The following RBFOX1 variants were observed in gnomAD, a reference collection of about 807,000 sequenced individuals.
The protein encoded by RBFOX1 is RNA binding protein fox-1 homolog 1.
RBFOX1 carries 8 observed loss-of-function variants against 57.7 expected under a neutral mutation model. The observed-to-expected ratio is 0.14, with a 90% CI of 0.08 to 0.25. RBFOX1 has a LOEUF of 0.25. Among genes scored for constraint, RBFOX1 ranks in the 10% least tolerant of loss-of-function variants. The probability of loss-of-function intolerance (pLI) is 1.00; values close to 1 mark genes in which losing one functional copy is unlikely to be tolerated. For missense variants in RBFOX1, 611 were observed against 548.5 expected, an observed-to-expected ratio of 1.11 and a Z score of -1.14; for synonymous variants, 326 against 222.4, an observed-to-expected ratio of 1.47 and a Z score of -4.15.
At chr16:7,089,186 A>C (rs2060438709) in intron 4 of RBFOX1, among the ~76,000 whole-genome samples, 1 of 152,160 alleles carries the variant, frequency 6.6e-6, no homozygotes. Flanking sequence ...AGCTGGAGAC[A>C]GAGTTTATTA....
At chr16:7,200,871 G>A (rs1461007541) in intron 4 of RBFOX1, among the ~76,000 whole-genome samples, 2 of 152,172 alleles carry the variant, frequency 1.3e-5, no homozygotes, top group South Asian at 2.1e-4. Context: ...TGACTTTGAG[G>A]CAACTTCGTT....
Position 6,957,547 on chromosome 16 carries a change from C to CA in RBFOX1, c.-15-94509dup, listed in dbSNP as rs200620049. ...GGGGGAGTGTAGCAGTGGGGACGAT[C>CA]AGAGGTGACTCTCATCACCATCTTG... On this transcript the variant is annotated intron_variant, in intron 3 of 15. Transcript: ENST00000550418. 3.2e-3 allele frequency among the ~76,000 whole-genome samples: 488 copies of CA among 152,168 alleles called. 1 individual carries two copies. The highest frequency in any genetic ancestry group is 5.7e-3 in the Non-Finnish European group (389 of 68,002).
chr16:7,037,507 G>A (rs1413285046), intron 3 of RBFOX1, among the ~76,000 whole-genome samples: 3 of 152,142 alleles, frequency 2.0e-5, no homozygotes, highest in Admixed American at 2.0e-4. Context: ...TAAGGAAACA[G>A]TGAGGCACGT....
At chr16:5,452,194 C>A (rs1372488881) in intron 1 of RBFOX1, among the ~76,000 whole-genome samples, 12 of 148,644 alleles carry the variant, frequency 8.1e-5, no homozygotes, top group African/African-American at 3.0e-4. Flanking sequence ...TCTCAGCTCA[C>A]TGCAACCTCT....
At chr16:7,262,100 T>C (rs2094940311) in intron 4 of RBFOX1, among the ~76,000 whole-genome samples, 1 of 152,208 alleles carries the variant, frequency 6.6e-6, no homozygotes, top group Non-Finnish European at 1.5e-5. Context: ...GGGGGTACCA[T>C]TTCTGGGAAA....
At chr16:6,972,246 C>G (rs74010407) in intron 3 of RBFOX1, among the ~76,000 whole-genome samples, 2 of 152,044 alleles carry the variant, frequency 1.3e-5, no homozygotes, top group Non-Finnish European at 2.9e-5. Flanking sequence ...CTCTGTAACT[C>G]CCCTTTCTCC....
intron 13 of RBFOX1, among the ~76,000 whole-genome samples, chr16:7,670,432 C>G (rs2071019076): frequency 6.6e-6 from 1 of 152,194 alleles, no homozygotes; most frequent in African/African-American, 2.4e-5. Context: ...GAGTTTAATG[C>G]TGAAGCCCTG....
Position 6,350,444 on chromosome 16 carries a change from G to GAAAAAAAAAAA in RBFOX1, c.-64+33432_-64+33442dup, listed in dbSNP as rs569363563. Among the ~76,000 whole-genome samples the GAAAAAAAAAAA allele has an allele frequency of 9.4e-5, 7 of 74,666 alleles. 1 individual carries two copies. The highest frequency in any genetic ancestry group is 1.7e-4 in the Non-Finnish European group (7 of 40,942). The allele number at this position is 74,666 out of a possible 152,430, so 49.0% of individuals were successfully genotyped here. A position where few individuals can be genotyped will look rare whatever the true frequency, so the allele number is the denominator to read the frequency against. ...CAACAAGAGTGAAACTCTGTCTCAA[G>GAAAAAAAAAAA]AAAAAAAAAAAAAAAAAAAAAAAAA... On this transcript the variant is annotated intron_variant, in intron 2 of 15. Coordinates refer to ENST00000550418, the MANE Select transcript of RBFOX1 (RefSeq NM_018723.4).
intron 4 of RBFOX1, among the ~76,000 whole-genome samples, chr16:7,439,933 A>G (rs1169852167): frequency 1.3e-5 from 2 of 148,910 alleles, no homozygotes; most frequent in African/African-American, 2.5e-5. Context: ...CCACAAAACA[A>G]CCAAATCTTT....
chr16:7,517,570 AC>A (rs1176084012), intron 4 of RBFOX1, among the ~76,000 whole-genome samples: 3 of 149,504 alleles, frequency 2.0e-5, no homozygotes, highest in African/African-American at 7.4e-5. Context: ...ACACACACAC[AC>A]ACAACATAAC....
At chr16:5,416,777 A>G (rs973505907) in intron 1 of RBFOX1, among the ~76,000 whole-genome samples, 2 of 151,930 alleles carry the variant, frequency 1.3e-5, no homozygotes, top group Non-Finnish European at 2.9e-5. Flanking sequence ...ATTCATGCAG[A>G]TAGGAACAAA....
chr16:6,268,408 A>T (rs1272137313), intron 1 of RBFOX1, among the ~76,000 whole-genome samples: 1 of 152,160 alleles, frequency 6.6e-6, no homozygotes, highest in Admixed American at 6.5e-5. Context: ...GCTTGTGATT[A>T]TTCTTTTAGT....
intron 2 of RBFOX1, among the ~76,000 whole-genome samples, chr16:5,580,495 G>A (rs2046628764): frequency 1.3e-5 from 2 of 152,228 alleles, no homozygotes; most frequent in South Asian, 4.1e-4. Flanking sequence ...GCCACCTGCT[G>A]CCAGGCGGCC....
chr16:6,830,015 C>G (rs8047224), intron 3 of RBFOX1, among the ~76,000 whole-genome samples: 78,785 of 151,952 alleles, frequency 0.52, 21,859 homozygotes, highest in East Asian at 0.79. Flanking sequence ...CTTCTGGGTT[C>G]AAGTGATTCT....
At chr16:7,389,548 G>A (rs927380764) in intron 4 of RBFOX1, among the ~76,000 whole-genome samples, 44 of 152,224 alleles carry the variant, frequency 2.9e-4, no homozygotes, top group African/African-American at 9.9e-4. Flanking sequence ...GAACAACTCT[G>A]GAAGATCCTT....
chr16:6,938,372 A>G (rs1390347409), intron 3 of RBFOX1, among the ~76,000 whole-genome samples: 1 of 152,206 alleles, frequency 6.6e-6, no homozygotes, highest in Non-Finnish European at 1.5e-5. Flanking sequence ...TTAGCACAGC[A>G]CATAGAGCAT....
intron 1 of RBFOX1, among the ~76,000 whole-genome samples, chr16:5,460,214 T>A (rs768781083): frequency 3.3e-5 from 5 of 152,178 alleles, no homozygotes; most frequent in Non-Finnish European, 7.3e-5. Flanking sequence ...GGAACCAGAA[T>A]CAGACAGAGA....
chr16:6,741,480 A>C (rs947468558), intron 3 of RBFOX1, among the ~76,000 whole-genome samples: 1 of 152,052 alleles, frequency 6.6e-6, no homozygotes, highest in Non-Finnish European at 1.5e-5. Flanking sequence ...CCTGGCTAAC[A>C]TGGCGAAACC....
chr16:5,763,314 G>A lies in RBFOX1; in HGVS notation c.319-103989G>A, dbSNP rs992557733. On this transcript the variant is annotated intron_variant, in intron 3 of 19. Transcript: ENST00000641259. ...ATGTCTGGGAAACACACACAAGAGC[G>A]CTCCTTTGTTCATGCTGCTCGTTGC... Among the ~76,000 whole-genome samples the A allele has an allele frequency of 3.9e-5, 6 of 152,192 alleles. 1 individual carries two copies. The highest frequency in any genetic ancestry group is 4.1e-4 in the South Asian group (2 of 4,830).
Sources: gnomAD v4.1 joint callset for allele counts (sites outside exome capture counted in the v4.1 genomes callset) on GRCh38, gnomAD v4.1.1 for gene constraint, MANE v1.5 for transcripts, NCBI Gene and HGNC (gene_info 2026-07-23, HGNC 2026-07-21) for gene names.